NR2F1-AS1: variants seen among roughly 807,000 people sequenced by gnomAD.
The protein encoded by NR2F1-AS1 is NR2F1 antisense RNA 1.
intron 4 of NR2F1-AS1, among the ~76,000 whole-genome samples, chr5:93,552,819 C>T (rs1045030244): frequency 6.6e-6 from 1 of 152,196 alleles, no homozygotes; most frequent in Non-Finnish European, 1.5e-5. Context: ...CTTACACATA[C>T]ACACACATAT....
chr5:93,572,955 G>C (rs1042853906), intron 1 of NR2F1-AS1, among the ~76,000 whole-genome samples: 1 of 152,216 alleles, frequency 6.6e-6, no homozygotes, highest in Non-Finnish European at 1.5e-5. Flanking sequence ...TAGGCTGACC[G>C]CGCAGGGCGG....
At chr5:93,578,579 G>A (rs146994166) in intron 1 of NR2F1-AS1, among the ~76,000 whole-genome samples, 3 of 152,272 alleles carry the variant, frequency 2.0e-5, no homozygotes, top group African/African-American at 7.2e-5. Flanking sequence ...CCTGGCTGGA[G>A]GCCTCGGGTA....
intron 4 of NR2F1-AS1, among the ~76,000 whole-genome samples, chr5:93,488,826 T>G (rs889528964): frequency 7.2e-5 from 11 of 152,184 alleles, no homozygotes; most frequent in Non-Finnish European, 2.9e-5. Flanking sequence ...TTGTTCACAA[T>G]AGCAAAGACT....
intron 4 of NR2F1-AS1, among the ~76,000 whole-genome samples, chr5:93,482,923 C>T (rs1330251050): frequency 1.3e-5 from 2 of 152,218 alleles, no homozygotes; most frequent in African/African-American, 4.8e-5. Flanking sequence ...CTGGGCAGGG[C>T]ATCTCTGAAA....
chr5:93,413,570 G>T (rs904898188), intron 4 of NR2F1-AS1, among the ~76,000 whole-genome samples: 1 of 152,124 alleles, frequency 6.6e-6, no homozygotes, highest in African/African-American at 2.4e-5. Flanking sequence ...GACTGCATTA[G>T]GTTTGGGGTA....
chr5:93,423,320 T>C (rs1486596619), intron 4 of NR2F1-AS1: 1 of 152,122 alleles, frequency 6.6e-6, no homozygotes, highest in Non-Finnish European at 1.5e-5. Context: ...GAGCATAAAA[T>C]TACCTAAGAA....
upstream of NR2F1-AS1, among the ~76,000 whole-genome samples, chr5:93,582,087 T>C (rs1355180621): frequency 1.4e-5 from 2 of 140,380 alleles, no homozygotes; most frequent in African/African-American, 2.7e-5. Flanking sequence ...TCTCTCTCTC[T>C]CCTCCTCCCC....
intron 4 of NR2F1-AS1, among the ~76,000 whole-genome samples, chr5:93,491,608 T>C (rs1231799332): frequency 6.6e-6 from 1 of 152,142 alleles, no homozygotes; most frequent in African/African-American, 2.4e-5. Flanking sequence ...GGAAAGAAGA[T>C]CTGCCCTAAT....
At chr5:93,549,549 T>A (rs1189596658) in intron 4 of NR2F1-AS1, among the ~76,000 whole-genome samples, 1 of 152,118 alleles carries the variant, frequency 6.6e-6, no homozygotes, top group East Asian at 1.9e-4. Context: ...AATTACTTTC[T>A]CATATACAAT....
chr5:93,445,555 A>G (rs1749679419), intron 4 of NR2F1-AS1, among the ~76,000 whole-genome samples: 1 of 152,156 alleles, frequency 6.6e-6, no homozygotes, highest in South Asian at 2.1e-4. Flanking sequence ...GCAATAATTA[A>G]TAGCCTACCA....
At chr5:93,543,750 C>T (rs894648828) in intron 4 of NR2F1-AS1, 15 of 152,164 alleles carry the variant, frequency 9.9e-5, no homozygotes, top group African/African-American at 3.6e-4. Flanking sequence ...CTTATAATTA[C>T]TGTTGGCCAG....
chr5:93,419,862 T>A (rs1749051315), intron 4 of NR2F1-AS1, among the ~76,000 whole-genome samples: 1 of 152,138 alleles, frequency 6.6e-6, no homozygotes, highest in Non-Finnish European at 1.5e-5. Context: ...GGAGGTAGCT[T>A]AGTCTGAAAT....
At chr5:93,581,928 C>T (rs1333869850), upstream of NR2F1-AS1, among the ~76,000 whole-genome samples, 1 of 119,020 alleles carries the variant, frequency 8.4e-6, no homozygotes, top group East Asian at 2.8e-4. Context: ...CTCTCTCTCT[C>T]TCTGGGTCTC....
At chr5:93,440,715 T>A (rs1285363832) in intron 4 of NR2F1-AS1, among the ~76,000 whole-genome samples, 1 of 152,242 alleles carries the variant, frequency 6.6e-6, no homozygotes, top group Non-Finnish European at 1.5e-5. Flanking sequence ...TCTGAAGCAC[T>A]TTAATACACA....
chr5:93,456,880 A>T (rs986423718), intron 4 of NR2F1-AS1, among the ~76,000 whole-genome samples: 3 of 152,114 alleles, frequency 2.0e-5, no homozygotes, highest in Non-Finnish European at 4.4e-5. Context: ...AAACATCTCT[A>T]CATCATAAAC....
chr5:93,491,274 A>G (rs1580272503), intron 4 of NR2F1-AS1, among the ~76,000 whole-genome samples: 1 of 145,448 alleles, frequency 6.9e-6, no homozygotes, highest in East Asian at 2.1e-4. Flanking sequence ...GGTGGTGGTC[A>G]TGGTGGTGAT....
intron 4 of NR2F1-AS1, among the ~76,000 whole-genome samples, chr5:93,534,815 AT>A (rs1751806529): frequency 6.6e-6 from 1 of 152,154 alleles, no homozygotes; most frequent in South Asian, 2.1e-4. Flanking sequence ...TCCTATGAAC[AT>A]TTTTAAAGAG....
intron 1 of NR2F1-AS1, among the ~76,000 whole-genome samples, chr5:93,574,936 G>T (rs1752862908): frequency 6.6e-6 from 1 of 152,188 alleles, no homozygotes; most frequent in Non-Finnish European, 1.5e-5. Flanking sequence ...CAGAATTGAG[G>T]GTGGGAAGGA....
intron 1 of NR2F1-AS1, chr5:93,570,595 C>G (rs1043863156): frequency 7.0e-6 from 1 of 143,322 alleles, no homozygotes; most frequent in Admixed American, 6.7e-5. Flanking sequence ...GTTCGGGAAG[C>G]GTGCGCCACC....
Sources: gnomAD v4.1 joint callset for allele counts (sites outside exome capture counted in the v4.1 genomes callset) on GRCh38, gnomAD v4.1.1 for gene constraint, MANE v1.5 for transcripts, NCBI Gene and HGNC (gene_info 2026-07-23, HGNC 2026-07-21) for gene names.